Variants in MGAT5 observed in about 807,000 individuals in gnomAD.
MGAT5 encodes the protein alpha-1,6-mannosylglycoprotein 6-beta-N-acetylglucosaminyltransferase A.
In MGAT5, 30 loss-of-function variants were observed where a neutral mutation model predicts 94.3. The ratio of observed to expected loss-of-function variants is 0.32; its 90% CI spans 0.24 to 0.43. The LOEUF (loss-of-function observed/expected upper bound fraction) is 0.43, where lower values mean the gene tolerates loss of function less well. MGAT5 is among the 20% of genes least tolerant of loss of function. MGAT5 has a pLI of 1.00. For synonymous variants in MGAT5, 310 were observed against 322.9 expected (o/e 0.96, Z 0.43); for missense variants, 691 against 905.5 (o/e 0.76, Z 3.04).
intron 1 of MGAT5, among the ~76,000 whole-genome samples, chr2:134,151,124 G>A (rs1486952946): frequency 1.3e-5 from 2 of 152,074 alleles, no homozygotes. Flanking sequence ...GTGAGTGAGT[G>A]ACATCCCACT....
intron 9 of MGAT5, among the ~76,000 whole-genome samples, chr2:134,359,739 T>C (rs1186678371): frequency 6.6e-6 from 1 of 152,240 alleles, no homozygotes; most frequent in Non-Finnish European, 1.5e-5. Flanking sequence ...TTGAACTCAA[T>C]GAAATGAACA....
At chr2:134,125,348 C>T (rs79267256) in intron 1 of MGAT5, among the ~76,000 whole-genome samples, 3,096 of 152,240 alleles carry the variant, frequency 0.02, 107 homozygotes, top group African/African-American at 0.07. Context: ...GCCAGGTGGT[C>T]TAGATCCAGA....
chr2:134,189,823 A>G (rs1689278485), intron 1 of MGAT5, among the ~76,000 whole-genome samples: 1 of 151,830 alleles, frequency 6.6e-6, no homozygotes, highest in Non-Finnish European at 1.5e-5. Flanking sequence ...GATGGTCTCC[A>G]TCTCCTGACC....
At chr2:134,397,742 G>C (rs954483023) in intron 10 of MGAT5, among the ~76,000 whole-genome samples, 2 of 152,158 alleles carry the variant, frequency 1.3e-5, no homozygotes, top group Admixed American at 6.5e-5. Context: ...CCTAAGGAGC[G>C]TGCCACTGTT....
intron 1 of MGAT5, among the ~76,000 whole-genome samples, chr2:134,153,276 C>T (rs180755202): frequency 1.1e-3 from 171 of 152,328 alleles, no homozygotes; most frequent in African/African-American, 3.8e-3. Context: ...TTAAGGAGCA[C>T]TGTGACATGG....
chr2:134,244,275 G>A (rs1171429249), intron 1 of MGAT5, among the ~76,000 whole-genome samples: 2 of 151,710 alleles, frequency 1.3e-5, no homozygotes, highest in African/African-American at 4.9e-5. Flanking sequence ...TTCCTGGGCC[G>A]GATGCCAGGT....
chr2:134,405,670 A>G (rs1683292395), intron 11 of MGAT5, among the ~76,000 whole-genome samples: 1 of 152,164 alleles, frequency 6.6e-6, no homozygotes, highest in African/African-American at 2.4e-5. Flanking sequence ...CACTTCTTGG[A>G]CTCCTTACTG....
At chr2:134,149,200 A>C (rs1687062452) in intron 1 of MGAT5, among the ~76,000 whole-genome samples, 1 of 152,210 alleles carries the variant, frequency 6.6e-6, no homozygotes, top group Non-Finnish European at 1.5e-5. Flanking sequence ...GGTCAGGCCC[A>C]GGCAAGTTGC....
At chr2:134,128,823 A>G (rs1685979539) in intron 1 of MGAT5, among the ~76,000 whole-genome samples, 2 of 152,190 alleles carry the variant, frequency 1.3e-5, no homozygotes, top group South Asian at 4.1e-4. Context: ...CTACTGCCTT[A>G]GTCTCTCAAA....
chr2:134,384,806 A>G (rs1376056386), intron 10 of MGAT5, among the ~76,000 whole-genome samples: 1 of 152,236 alleles, frequency 6.6e-6, no homozygotes, highest in Non-Finnish European at 1.5e-5. Flanking sequence ...TAACAATCCA[A>G]ATAAAAATGG....
chr2:134,325,644 C>T (rs1279231687), intron 4 of MGAT5, among the ~76,000 whole-genome samples: 1 of 152,102 alleles, frequency 6.6e-6, no homozygotes, highest in African/African-American at 2.4e-5. Context: ...TAACATAATT[C>T]CTTCACATCA....
At chr2:134,167,591 C>A (rs1688020721) in intron 1 of MGAT5, among the ~76,000 whole-genome samples, 1 of 152,160 alleles carries the variant, frequency 6.6e-6, no homozygotes, top group Non-Finnish European at 1.5e-5. Context: ...GAAAGAAACA[C>A]AAGTAGCTTG....
chr2:134,214,275 T>C (rs971864031), intron 1 of MGAT5, among the ~76,000 whole-genome samples: 77 of 151,618 alleles, frequency 5.1e-4, no homozygotes, highest in African/African-American at 1.8e-3. Flanking sequence ...GCTGGCTGCC[T>C]TTCTTTCCTC....
At chr2:134,257,594 T>C (rs1280165003) in intron 1 of MGAT5, among the ~76,000 whole-genome samples, 1 of 152,190 alleles carries the variant, frequency 6.6e-6, no homozygotes. Context: ...ACAATTTGGA[T>C]TGAACAAGAG....
At chr2:134,255,439 C>T (rs1279781528) in intron 1 of MGAT5, among the ~76,000 whole-genome samples, 1 of 150,504 alleles carries the variant, frequency 6.6e-6, no homozygotes, top group African/African-American at 2.4e-5. Flanking sequence ...TTTTCTGATA[C>T]TTTGCATACA....
intron 2 of MGAT5, among the ~76,000 whole-genome samples, chr2:134,298,560 C>T (rs1021483163): frequency 1.3e-5 from 2 of 152,120 alleles, no homozygotes; most frequent in East Asian, 1.9e-4. Flanking sequence ...AGACACCATG[C>T]GGATCATATT....
intron 10 of MGAT5, among the ~76,000 whole-genome samples, chr2:134,364,951 T>C (rs564217951): frequency 6.6e-6 from 1 of 152,334 alleles, no homozygotes; most frequent in East Asian, 1.9e-4. Context: ...ATTTCTAAAG[T>C]TACGTTCAAC....
At chr2:134,401,588 AG>A (rs1285954433) in intron 10 of MGAT5, among the ~76,000 whole-genome samples, 1 of 152,248 alleles carries the variant, frequency 6.6e-6, no homozygotes, top group African/African-American at 2.4e-5. Context: ...ACCATATCCT[AG>A]AACCCTTCAA....
chr2:134,342,824 G>A (rs1688713271), intron 7 of MGAT5, among the ~76,000 whole-genome samples: 1 of 152,080 alleles, frequency 6.6e-6, no homozygotes, highest in East Asian at 1.9e-4. Flanking sequence ...TTGGTGTCGG[G>A]CATACAGAGA....
Sources: gnomAD v4.1 joint callset for allele counts (sites outside exome capture counted in the v4.1 genomes callset) on GRCh38, gnomAD v4.1.1 for gene constraint, MANE v1.5 for transcripts, NCBI Gene and HGNC (gene_info 2026-07-23, HGNC 2026-07-21) for gene names.